RPRD2: variants seen among roughly 807,000 people sequenced by gnomAD.
RPRD2 encodes the protein regulation of nuclear pre-mRNA domain-containing protein 2.
RPRD2 carries 12 observed loss-of-function variants against 104.4 expected under a neutral mutation model. The ratio of observed to expected loss-of-function variants is 0.11; its 90% CI spans 0.07 to 0.19. RPRD2 has a LOEUF of 0.19. RPRD2 is among the 10% of genes least tolerant of loss of function. The pLI is 1.00. For synonymous variants in RPRD2, 714 were observed against 684.9 expected, an observed-to-expected ratio of 1.04 and a Z score of -0.66; for missense variants, 1,543 against 1,790.1, an observed-to-expected ratio of 0.86 and a Z score of 2.49.
At chr1:150,402,254 A>C (rs1048723950) in intron 1 of RPRD2, among the ~76,000 whole-genome samples, 20 of 152,132 alleles carry the variant, frequency 1.3e-4, no homozygotes, top group Non-Finnish European at 2.4e-4. Context: ...GGGGTTTTAA[A>C]TGGAAACATT....
chr1:150,424,662 G>A (rs782300278), intron 2 of RPRD2, among the ~76,000 whole-genome samples: 5 of 152,106 alleles, frequency 3.3e-5, no homozygotes, highest in Non-Finnish European at 7.4e-5. Context: ...AAAGGAAAAT[G>A]ACAATTTAGT....
chr1:150,437,913 A>G (rs1362242979), intron 2 of RPRD2, among the ~76,000 whole-genome samples: 3 of 151,658 alleles, frequency 2.0e-5, no homozygotes, highest in Non-Finnish European at 4.4e-5. Flanking sequence ...TTTATTAACC[A>G]GAAAGAACAG....
chr1:150,473,399 T>A lies in RPRD2; in HGVS notation c.*65T>A. 3 of 1,450,468 alleles carry A rather than the reference T, an allele frequency of 2.1e-6. No homozygotes were observed. Among genetic ancestry groups the A allele is most frequent in the Non-Finnish European group, 2.8e-6 (3 of 1,084,760 alleles). The allele number at this position is 1,450,468 out of a possible 1,614,324, so 89.8% of individuals were successfully genotyped here. A position where few individuals can be genotyped will look rare whatever the true frequency, so the allele number is the denominator to read the frequency against. On this transcript the variant is annotated 3_prime_UTR_variant, in exon 11 of 11. Transcript: ENST00000369068. ...CATTGGAAGTAGGAGTTTGGTTTAT[T>A]GTTGTTGTTTTTATTTGTTTTCTCT...
chr1:150,414,740 C>T (rs1462619551), intron 1 of RPRD2, among the ~76,000 whole-genome samples: 2 of 151,844 alleles, frequency 1.3e-5, no homozygotes, highest in African/African-American at 2.4e-5. Flanking sequence ...GTGAACTGTT[C>T]GCAACATAAA....
intron 10 of RPRD2, among the ~76,000 whole-genome samples, 183 bp from the exon 11 acceptor site, chr1:150,470,378 A>C (rs918602026): frequency 2.0e-5 from 3 of 152,150 alleles, no homozygotes; most frequent in African/African-American, 7.2e-5. Flanking sequence ...TTTATTGATA[A>C]AATAGGCCCT....
chr1:150,398,867 T>C (rs782020466), intron 1 of RPRD2, among the ~76,000 whole-genome samples: 20 of 152,216 alleles, frequency 1.3e-4, no homozygotes, highest in Non-Finnish European at 2.9e-4. Context: ...AAAAAAGCAA[T>C]AATTTCTTAA....
intron 7 of RPRD2, among the ~76,000 whole-genome samples, chr1:150,456,396 C>G (rs587726703): frequency 9.9e-5 from 15 of 152,240 alleles, no homozygotes; most frequent in African/African-American, 3.6e-4. Flanking sequence ...CTAGAAACTA[C>G]TGCATGCTTG....
At chr1:150,384,770 G>A (rs1661439251) in intron 1 of RPRD2, among the ~76,000 whole-genome samples, 1 of 151,922 alleles carries the variant, frequency 6.6e-6, no homozygotes, top group Non-Finnish European at 1.5e-5. Context: ...GCCTCCCAAA[G>A]TGGTGGGATT....
intron 1 of RPRD2, among the ~76,000 whole-genome samples, chr1:150,375,518 C>T (rs1417204735): frequency 5.3e-5 from 8 of 152,030 alleles, no homozygotes; most frequent in South Asian, 4.2e-4. Flanking sequence ...TATGTATGTG[C>T]GTAATTTTTT....
chr1:150,429,774 A>G (rs1167228219), intron 2 of RPRD2, among the ~76,000 whole-genome samples: 2 of 152,232 alleles, frequency 1.3e-5, no homozygotes, highest in Non-Finnish European at 2.9e-5. Flanking sequence ...TTTGTATATA[A>G]TTATGATTTG....
chr1:150,472,453 G>T lies in RPRD2; in HGVS notation c.3505G>T (p.Glu1169Ter). ...TGGCTTTAAAACAGCACCATACAAG[G>T]AACGGGCACCTCAATTTCAGGAGAG... ...LTGFKTAPYK[E>*]RAPQFQESVG... The change falls in exon 11 of 11, where the codon GAA (glutamate) becomes TAA (stop). Residue 1169 changes from glutamate (E) to a stop codon, truncating the protein, a stop_gained. Transcript: ENST00000369068. LOFTEE classifies it high-confidence loss of function. 1 of 1,613,940 alleles carries T rather than the reference G, an allele frequency of 6.2e-7. No homozygotes were observed. The highest frequency in any genetic ancestry group is 1.1e-5 in the South Asian group (1 of 91,076).
At chr1:150,438,874 C>T (rs1200853093) in intron 2 of RPRD2, among the ~76,000 whole-genome samples, 1 of 151,756 alleles carries the variant, frequency 6.6e-6, no homozygotes, top group African/African-American at 2.4e-5. Context: ...CTCACTCTGT[C>T]TCCAGGCTGG....
chr1:150,408,497 G>T (rs1553887052), intron 1 of RPRD2, among the ~76,000 whole-genome samples: 1 of 152,084 alleles, frequency 6.6e-6, no homozygotes, highest in Non-Finnish European at 1.5e-5. Flanking sequence ...TTACATAATG[G>T]TATATGTACA....
At chr1:150,465,326 C>A (rs1668195258) in intron 10 of RPRD2, among the ~76,000 whole-genome samples, 1 of 152,060 alleles carries the variant, frequency 6.6e-6, no homozygotes, top group Non-Finnish European at 1.5e-5. Context: ...CTATGTTGGC[C>A]AGGCTGGTCT....
At chr1:150,456,332 C>T (rs990720836) in intron 7 of RPRD2, among the ~76,000 whole-genome samples, 3 of 152,070 alleles carry the variant, frequency 2.0e-5, no homozygotes, top group Non-Finnish European at 1.5e-5. Flanking sequence ...AGGTTTCTAA[C>T]TCAGGCAACT....
chr1:150,472,414 A>G lies in RPRD2; in HGVS notation c.3466A>G (p.Ser1156Gly). ...SELASLGGGG[S>G]GGLTGFKTAP... ...GTTGGCATCCCTTGGGGGTGGGGGC[A>G]GCGGAGGCCTCACTGGCTTTAAAAC... Residue 1156 changes from serine to glycine, a missense_variant, in exon 11 of 11, where the codon AGC (serine) becomes GGC (glycine). Physicochemically the swap from Ser to Gly is moderately conservative, Grantham distance 56. Coordinates refer to ENST00000369068, the MANE Select transcript of RPRD2 (RefSeq NM_015203.5). The G allele has an allele frequency of 6.2e-7, 1 of 1,613,952 alleles. No homozygotes were observed. The highest frequency in any genetic ancestry group is 8.5e-7 in the Non-Finnish European group (1 of 1,179,872).
chr1:150,366,974 T>G (rs1410421208), intron 1 of RPRD2, among the ~76,000 whole-genome samples: 1 of 152,176 alleles, frequency 6.6e-6, no homozygotes, highest in Non-Finnish European at 1.5e-5. Context: ...TGAGATAAAA[T>G]GAAGCCAGAA....
In RPRD2 at chr1:150,475,232, A is replaced by C. The variant is rs1294663962; in HGVS notation, c.*1898A>C. ...TGAGTCCTAAGACATTTGTTAGGGAAAAGCATAAGAGAAAATGGGGTGGGA... is the reference window on the plus strand; with the variant it reads ...TGAGTCCTAAGACATTTGTTAGGGACAAGCATAAGAGAAAATGGGGTGGGA... On this transcript the variant is annotated 3_prime_UTR_variant, in exon 11 of 11. Coordinates refer to ENST00000369068, the MANE Select transcript of RPRD2 (RefSeq NM_015203.5). The C allele has an allele frequency of 6.6e-6, 1 of 152,226 alleles. No homozygotes were observed. The highest frequency in any genetic ancestry group is 6.5e-5 in the Admixed American group (1 of 15,282). 9.4% of individuals were successfully genotyped at this position (152,226 alleles called of 1,614,324 possible). A position where few individuals can be genotyped will look rare whatever the true frequency, so the allele number is the denominator to read the frequency against.
intron 1 of RPRD2, among the ~76,000 whole-genome samples, chr1:150,367,472 C>T (rs1476228967): frequency 2.0e-5 from 3 of 151,928 alleles, no homozygotes; most frequent in Non-Finnish European, 4.4e-5. Context: ...GTATCTTTGG[C>T]ATTCCCAGCC....
Sources: gnomAD v4.1 joint callset for allele counts (sites outside exome capture counted in the v4.1 genomes callset) on GRCh38, gnomAD v4.1.1 for gene constraint, MANE v1.5 for transcripts, NCBI Gene and HGNC (gene_info 2026-07-23, HGNC 2026-07-21) for gene names.